The following DPP6 variants were observed in gnomAD, a reference collection of about 807,000 sequenced individuals.
The protein encoded by DPP6 is dipeptidyl peptidase like 6.
DPP6 carries 69 observed loss-of-function variants against 122.6 expected under a neutral mutation model. The observed-to-expected ratio is 0.56, with a 90% CI of 0.46 to 0.69. DPP6 has a LOEUF of 0.69. Ranked by LOEUF, DPP6 falls within the 30% of genes least tolerant of loss-of-function variation. DPP6 has a pLI of 0.00. For synonymous variants in DPP6, 418 were observed against 433.1 expected, an observed-to-expected ratio of 0.97 and a Z score of 0.43; for missense variants, 928 against 1,116.9, an observed-to-expected ratio of 0.83 and a Z score of 2.41.
chr7:154,745,010 A>T (rs1842973637), intron 8 of DPP6, among the ~76,000 whole-genome samples: 2 of 152,212 alleles, frequency 1.3e-5, no homozygotes, highest in Admixed American at 1.3e-4. Context: ...TGCAATACTG[A>T]TATTACTCAG....
chr7:154,166,664 A>G (rs1309331557), intron 1 of DPP6, among the ~76,000 whole-genome samples: 1 of 141,292 alleles, frequency 7.1e-6, no homozygotes, highest in Non-Finnish European at 1.5e-5. Context: ...TAATCCCGGC[A>G]ATTTGGGAGG....
At chr7:154,021,811 C>G (rs71534056) in intron 1 of DPP6, among the ~76,000 whole-genome samples, 5 of 152,298 alleles carry the variant, frequency 3.3e-5, no homozygotes, top group South Asian at 4.1e-4. Flanking sequence ...CTCCCTGTTT[C>G]ATTTATCAAA....
intron 21 of DPP6, among the ~76,000 whole-genome samples, chr7:154,881,991 G>A (rs1205192534): frequency 2.6e-5 from 4 of 152,188 alleles, no homozygotes; most frequent in Admixed American, 2.6e-4. Flanking sequence ...TCATGGAAGT[G>A]ACTTCCCAGC....
Position 153,922,519 on chromosome 7 carries a change from A to T in DPP6, c.51+34785A>T, listed in dbSNP as rs1001724361. On this transcript the variant is annotated intron_variant, in intron 1 of 25. Coordinates refer to the DPP6 transcript ENST00000404039. ...GTCTCTAAAAACAAGATGAAGCAAA[A>T]TGATAATCTCAGCCACCTGTCACCA... Among the ~76,000 whole-genome samples, 3 of 152,270 alleles carry T rather than the reference A, an allele frequency of 2.0e-5. No homozygotes were observed. The South Asian group carries it at 6.2e-4, about 32-fold the overall frequency.
chr7:154,669,824 A>G lies in DPP6; in HGVS notation c.762+383A>G, dbSNP rs185929428. On this transcript the variant is annotated intron_variant, in intron 7 of 25. Coordinates refer to ENST00000377770, the MANE Select transcript of DPP6 (RefSeq NM_130797.4). The stretch of plus-strand genomic sequence containing the variant: ...TCATCTAAAGATGCTCTGGGAACTC[A>G]GACTTCTTCCTGTGGAGGGTTTTTT... Among the ~76,000 whole-genome samples the G allele has an allele frequency of 3.4e-4, 50 of 148,018 alleles. No individual in the cohort carries two copies. In the South Asian group the frequency reaches 3.7e-3, roughly 11 times the overall value.
chr7:153,899,700 A>G (rs1563217093), intron 1 of DPP6, among the ~76,000 whole-genome samples: 1 of 152,234 alleles, frequency 6.6e-6, no homozygotes, highest in Non-Finnish European at 1.5e-5. Context: ...TGTTGTGCTC[A>G]AAGTGTTCAA....
chr7:154,075,047 G>T (rs2150517096), intron 1 of DPP6, among the ~76,000 whole-genome samples: 1 of 151,838 alleles, frequency 6.6e-6, no homozygotes, highest in African/African-American at 2.4e-5. Context: ...ACAAACATAT[G>T]AAAAAATGCT....
chr7:154,120,219 T>C (rs1807343597), intron 1 of DPP6, among the ~76,000 whole-genome samples: 1 of 152,170 alleles, frequency 6.6e-6, no homozygotes, highest in Non-Finnish European at 1.5e-5. Flanking sequence ...TCTATATTCG[T>C]CATTCTTCCT....
At chr7:154,788,134 G>C (rs925442919) in intron 10 of DPP6, among the ~76,000 whole-genome samples, 1 of 152,056 alleles carries the variant, frequency 6.6e-6, no homozygotes, top group Non-Finnish European at 1.5e-5. Context: ...TCATAAGTCA[G>C]TGTAGAATAT....
intron 8 of DPP6, among the ~76,000 whole-genome samples, chr7:154,742,231 G>A (rs1842850295): frequency 6.6e-6 from 1 of 152,204 alleles, no homozygotes; most frequent in African/African-American, 2.4e-5. Flanking sequence ...CATTATTCGA[G>A]TGGGATTCAT....
At chr7:154,399,926 A>G (rs1173779337) in intron 1 of DPP6, among the ~76,000 whole-genome samples, 1 of 152,230 alleles carries the variant, frequency 6.6e-6, no homozygotes, top group Non-Finnish European at 1.5e-5. Context: ...ATATGAAAAT[A>G]TCCTTCAAGG....
chr7:154,675,331 A>G (rs1170793581), intron 7 of DPP6, among the ~76,000 whole-genome samples: 1 of 152,192 alleles, frequency 6.6e-6, no homozygotes, highest in Non-Finnish European at 1.5e-5. Context: ...CGTTGTGAAC[A>G]TGTACCTTAG....
At chr7:154,002,783 G>C (rs547045851) in intron 1 of DPP6, among the ~76,000 whole-genome samples, 16 of 152,174 alleles carry the variant, frequency 1.1e-4, no homozygotes, top group Non-Finnish European at 2.1e-4. Context: ...CTGAGTGACT[G>C]CTTGAGAAGG....
chr7:153,916,249 AG>A (rs1414534855), intron 1 of DPP6, among the ~76,000 whole-genome samples: 3 of 151,958 alleles, frequency 2.0e-5, no homozygotes, highest in Non-Finnish European at 4.4e-5. Context: ...CTGGGATTAC[AG>A]GCGTGAGCCA....
In DPP6 at chr7:154,052,835, C is replaced by T; in HGVS notation, c.15C>T (p.Tyr5=). ...CGCGGTGCCCGATGGCTTCGCTGTA[C>T]CAGAGGTTCACTGGCAAGATCAACA... is the stretch of plus-strand genomic sequence containing the variant. MASL[Y]QRFTGKINTS... Residue 5 remains tyrosine (Y), a synonymous_variant, in exon 1 of 26, where the codon TAC becomes TAT. Transcript: ENST00000377770. The surrounding 1 kb of genome is among the most constrained non-coding windows in gnomAD (Gnocchi z 4.8). The T allele has an allele frequency of 6.5e-7, 1 of 1,532,776 alleles. No homozygotes were observed. The allele number at this position is 1,532,776 out of a possible 1,614,324, so 94.9% of individuals were successfully genotyped here. A position where few individuals can be genotyped will look rare whatever the true frequency, so the allele number is the denominator to read the frequency against.
intron 5 of DPP6, among the ~76,000 whole-genome samples, chr7:154,619,329 G>A (rs571050746): frequency 9.2e-5 from 14 of 152,308 alleles, no homozygotes; most frequent in South Asian, 2.1e-4. Flanking sequence ...GCCTCGTAGC[G>A]TTACCTATTG....
intron 1 of DPP6, among the ~76,000 whole-genome samples, chr7:154,381,261 G>A (rs546122991): frequency 8.5e-5 from 13 of 152,198 alleles, no homozygotes; most frequent in Non-Finnish European, 1.8e-4. Flanking sequence ...TCCTGGCCCC[G>A]TCTGACTCGC....
chr7:154,252,567 G>A (rs1802421142), intron 1 of DPP6, among the ~76,000 whole-genome samples: 1 of 152,160 alleles, frequency 6.6e-6, no homozygotes, highest in Non-Finnish European at 1.5e-5. Context: ...CTGCCTCTGG[G>A]AATAGCATAT....
rs74959170 is a variant in DPP6 at position 154,000,361 on chromosome 7, G to A, written c.51+112627G>A. On this transcript the variant is annotated intron_variant, in intron 1 of 25. Coordinates refer to the DPP6 transcript ENST00000404039. ...CGGATTGGGGGCCAGCTGCACTGAG[G>A]ATGGCCTTAGCTCCCTGTCTGCTGA... Among the ~76,000 whole-genome samples, 369 of 152,284 alleles carry A rather than the reference G, an allele frequency of 2.4e-3. 2 individuals carry two copies. Among genetic ancestry groups the A allele is most frequent in the Middle Eastern group, 0.01 (3 of 294 alleles).
Sources: gnomAD v4.1 joint callset for allele counts (sites outside exome capture counted in the v4.1 genomes callset) on GRCh38, gnomAD v4.1.1 for gene constraint, Gnocchi (gnomAD v3.1) non-coding constraint, MANE v1.5 for transcripts, NCBI Gene and HGNC (gene_info 2026-07-23, HGNC 2026-07-21) for gene names.